Variants in EFNA5 observed in about 807,000 individuals in gnomAD.
EFNA5 encodes ephrin A5.
EFNA5 carries 5 observed loss-of-function variants against 22.9 expected under a neutral mutation model. The observed-to-expected ratio is 0.22, with a 90% CI of 0.11 to 0.46. The LOEUF (loss-of-function observed/expected upper bound fraction) is 0.46, where lower values mean the gene tolerates loss of function less well. EFNA5 is among the 20% of genes least tolerant of loss of function. EFNA5 has a pLI of 0.99. For synonymous variants in EFNA5, 113 were observed against 112.2 expected, an observed-to-expected ratio of 1.01 and a Z score of -0.04; for missense variants, 237 against 293.3, an observed-to-expected ratio of 0.81 and a Z score of 1.40.
chr5:107,456,375 G>C (rs1749700907), intron 1 of EFNA5, among the ~76,000 whole-genome samples: 1 of 152,172 alleles, frequency 6.6e-6, no homozygotes. Flanking sequence ...GGGTGGTGCA[G>C]ATCAGCTCTT....
intron 2 of EFNA5, among the ~76,000 whole-genome samples, chr5:107,412,671 C>T (rs189309229): frequency 1.9e-3 from 292 of 152,298 alleles, no homozygotes; most frequent in African/African-American, 6.7e-3. Flanking sequence ...ATATTTTGTA[C>T]ACGTTCAACT....
At chr5:107,565,613 T>C (rs762734641) in intron 1 of EFNA5, among the ~76,000 whole-genome samples, 8 of 152,248 alleles carry the variant, frequency 5.3e-5, no homozygotes, top group Non-Finnish European at 7.3e-5. Flanking sequence ...ACATATGTTT[T>C]ATGTCCATCT....
intron 1 of EFNA5, among the ~76,000 whole-genome samples, chr5:107,463,183 G>T (rs1749880672): frequency 6.6e-6 from 1 of 151,976 alleles, no homozygotes. Context: ...AGATTTTGAG[G>T]TAATTCAGTT....
chr5:107,447,760 C>A, intron 1 of EFNA5, among the ~76,000 whole-genome samples: 1 of 152,202 alleles, frequency 6.6e-6, no homozygotes, highest in Non-Finnish European at 1.5e-5. Context: ...ACAGTGTTGA[C>A]AGCAAATGAG....
chr5:107,557,441 C>G (rs352605), intron 1 of EFNA5, among the ~76,000 whole-genome samples: 1 of 151,992 alleles, frequency 6.6e-6, no homozygotes, highest in Admixed American at 6.5e-5. Flanking sequence ...GCCTCAGGAA[C>G]CACGCAGCCC....
At chr5:107,597,756 A>G (rs147307546) in intron 1 of EFNA5, among the ~76,000 whole-genome samples, 4 of 152,294 alleles carry the variant, frequency 2.6e-5, no homozygotes, top group Admixed American at 1.3e-4. Flanking sequence ...ACCGTGAACC[A>G]GAGATTTTCA....
chr5:107,651,674 A>AG (rs1580582717), intron 1 of EFNA5, among the ~76,000 whole-genome samples: 1 of 151,482 alleles, frequency 6.6e-6, no homozygotes, highest in East Asian at 1.9e-4. Context: ...TTTTGGCAAA[A>AG]AAAAAAAAAA....
At chr5:107,520,137 G>A (rs1303713967) in intron 1 of EFNA5, among the ~76,000 whole-genome samples, 1 of 152,192 alleles carries the variant, frequency 6.6e-6, no homozygotes, top group African/African-American at 2.4e-5. Context: ...AACGGCAAGA[G>A]GGTTTGACAC....
intron 1 of EFNA5, among the ~76,000 whole-genome samples, chr5:107,440,657 CAA>C (rs1037626171): frequency 2.0e-5 from 3 of 152,150 alleles, no homozygotes; most frequent in African/African-American, 4.8e-5. Context: ...TCCCAGATCC[CAA>C]AGTTTCACGA....
chr5:107,668,486 AG>A (rs1040324904), intron 1 of EFNA5, among the ~76,000 whole-genome samples: 2 of 152,292 alleles, frequency 1.3e-5, no homozygotes, highest in Admixed American at 6.5e-5. Context: ...CAGGTTAAGA[AG>A]GGGGGTTAAA....
chr5:107,411,516 C>A (rs570232875), intron 2 of EFNA5, among the ~76,000 whole-genome samples: 7 of 152,316 alleles, frequency 4.6e-5, no homozygotes, highest in African/African-American at 1.4e-4. Flanking sequence ...CTAAGAAAAT[C>A]GAATGGCTGA....
Position 107,557,225 on chromosome 5 carries a change from T to C in EFNA5, c.125+113264A>G, listed in dbSNP as rs181860677. Among the ~76,000 whole-genome samples the C allele has an allele frequency of 2.4e-3, 360 of 152,136 alleles. 3 individuals carry two copies. Among genetic ancestry groups the C allele is most frequent in the African/African-American group, 8.5e-3 (352 of 41,512 alleles). ...CCTTGGTCCCCAGCACAATGCCTGG[T>C]ACGTGGGAGGTGCTTAGCAAACATT... is the stretch of plus-strand genomic sequence containing the variant. On this transcript the variant is annotated intron_variant, in intron 1 of 4. Transcript: ENST00000333274.
chr5:107,631,702 T>C (rs1454919172), intron 1 of EFNA5, among the ~76,000 whole-genome samples: 1 of 152,206 alleles, frequency 6.6e-6, no homozygotes, highest in Non-Finnish European at 1.5e-5. Context: ...TCTGATCATT[T>C]TCAATTTAAA....
intron 1 of EFNA5, among the ~76,000 whole-genome samples, chr5:107,483,138 A>G (rs1210071448): frequency 6.6e-6 from 1 of 152,032 alleles, no homozygotes; most frequent in Non-Finnish European, 1.5e-5. Flanking sequence ...ATTTTTTTAT[A>G]CAGTTTAACA....
chr5:107,558,273 T>TG (rs989137660), intron 1 of EFNA5, among the ~76,000 whole-genome samples: 3 of 152,170 alleles, frequency 2.0e-5, no homozygotes, highest in African/African-American at 4.8e-5. Context: ...CTGTTTTTTT[T>TG]TTGTTGTTTA....
At chr5:107,389,584 A>G (rs1747730781) in intron 2 of EFNA5, among the ~76,000 whole-genome samples, 1 of 152,238 alleles carries the variant, frequency 6.6e-6, no homozygotes, top group South Asian at 2.1e-4. Context: ...CTGAAGACAG[A>G]ATCAAATGCT....
At chr5:107,511,002 T>TTGTGTG (rs71644591) in intron 1 of EFNA5, among the ~76,000 whole-genome samples, 19,433 of 140,228 alleles carry the variant, frequency 0.14, 1,458 homozygotes, top group Non-Finnish European at 0.18. Flanking sequence ...TTCTTTTTCT[T>TTGTGTG]TGTGTGTGTG....
chr5:107,647,732 G>A (rs1750655517), intron 1 of EFNA5, among the ~76,000 whole-genome samples: 1 of 152,152 alleles, frequency 6.6e-6, no homozygotes, highest in South Asian at 2.1e-4. Flanking sequence ...CTACTTGGAT[G>A]AGAACAAGCC....
At chr5:107,410,024 T>G (rs1171786741) in intron 2 of EFNA5, among the ~76,000 whole-genome samples, 12 of 9,282 alleles carry the variant, frequency 1.3e-3, no homozygotes, top group African/African-American at 5.0e-3. Flanking sequence ...ACATGATTCT[T>G]TTTTTTTTTT....
Sources: allele counts gnomAD v4.1 joint callset (sites outside exome capture counted in the v4.1 genomes callset), GRCh38; gene constraint gnomAD v4.1.1; transcripts MANE v1.5; gene names NCBI Gene and HGNC (gene_info 2026-07-23, HGNC 2026-07-21).